The following ABCC4 variants were observed in gnomAD, a reference collection of about 807,000 sequenced individuals.
ABCC4 encodes the protein ATP-binding cassette sub-family C member 4.
In ABCC4, 102 loss-of-function variants were observed where a neutral mutation model predicts 168.5. That is an observed-to-expected ratio of 0.61 (90% CI 0.52 to 0.71). The LOEUF is 0.71. Ranked by LOEUF, ABCC4 falls within the 30% of genes least tolerant of loss-of-function variation. The probability of loss-of-function intolerance (pLI) is 0.00; values close to 1 mark genes in which losing one functional copy is unlikely to be tolerated. For missense variants in ABCC4, 1,402 were observed against 1,605.8 expected (o/e 0.87, Z 2.17); for synonymous variants, 617 against 590.7 (o/e 1.04, Z -0.65).
At chr13:95,205,723 A>C (rs931657652) in intron 8 of ABCC4, among the ~76,000 whole-genome samples, 1 of 152,166 alleles carries the variant, frequency 6.6e-6, no homozygotes, top group Non-Finnish European at 1.5e-5. Flanking sequence ...CAGTGTTAAG[A>C]GGTGGGGCCT....
intron 4 of ABCC4, among the ~76,000 whole-genome samples, chr13:95,220,024 T>C (rs1449543687): frequency 3.3e-5 from 1 of 30,190 alleles, no homozygotes; most frequent in Non-Finnish European, 8.9e-5. Flanking sequence ...CCTGGCTAAT[T>C]TTTTTTTTTT....
chr13:95,218,915 GAGAGAAAGAA>G lies in ABCC4; in HGVS notation c.532-8144_532-8135del, dbSNP rs1354172180. ...GATGAGAGAGAGAGAAAGAGAGAGA[GAGAGAAAGAA>G]AGAGAAAGAAAGAAAGAAAGAAAGA... On this transcript the variant is annotated intron_variant, in intron 4 of 30. Transcript: ENST00000645237. Among the ~76,000 whole-genome samples the G allele has an allele frequency of 5.4e-3, 208 of 38,516 alleles. 6 individuals carry two copies. Among genetic ancestry groups the G allele is most frequent in the Middle Eastern group, 0.02 (2 of 100 alleles). 25.3% of individuals were successfully genotyped at this position (38,516 alleles called of 152,430 possible). A position where few individuals can be genotyped will look rare whatever the true frequency, so the allele number is the denominator to read the frequency against.
intron 19 of ABCC4, among the ~76,000 whole-genome samples, chr13:95,144,565 A>C (rs1179193846): frequency 6.6e-6 from 1 of 152,182 alleles, no homozygotes; most frequent in Non-Finnish European, 1.5e-5. Flanking sequence ...GGGATACAAA[A>C]ATCAATGCAT....
intron 30 of ABCC4, 135 bp from the exon 31 acceptor site, chr13:95,021,817 G>C (rs1453973648): frequency 3.0e-6 from 2 of 658,444 alleles, no homozygotes; most frequent in Non-Finnish European, 5.2e-6. Context: ...TTTAAGAACA[G>C]GGATGAATCT....
At chr13:95,223,990 G>A (rs2039380847) in intron 4 of ABCC4, among the ~76,000 whole-genome samples, 1 of 151,742 alleles carries the variant, frequency 6.6e-6, no homozygotes, top group African/African-American at 2.4e-5. Context: ...TATGTAATAG[G>A]AGTCCAAGAA....
intron 13 of ABCC4, among the ~76,000 whole-genome samples, chr13:95,176,421 G>A (rs1412295287): frequency 6.6e-6 from 1 of 152,060 alleles, no homozygotes; most frequent in Non-Finnish European, 1.5e-5. Flanking sequence ...CTTGAACCCA[G>A]GAGGTCGAGG....
intron 19 of ABCC4, among the ~76,000 whole-genome samples, chr13:95,159,101 ATATATAT>A (rs2036989049): frequency 1.4e-5 from 1 of 72,984 alleles, no homozygotes; most frequent in East Asian, 3.5e-4. Context: ...TTTTATATAT[ATATATAT>A]ATATATATAT....
intron 4 of ABCC4, among the ~76,000 whole-genome samples, chr13:95,225,656 C>T (rs1488905387): frequency 1.3e-5 from 2 of 151,740 alleles, no homozygotes; most frequent in Admixed American, 6.6e-5. Context: ...GGCAACAGAG[C>T]GAGAGTCTGT....
intron 1 of ABCC4, among the ~76,000 whole-genome samples, chr13:95,253,036 C>T (rs1294715782): frequency 6.6e-6 from 1 of 152,164 alleles, no homozygotes; most frequent in Non-Finnish European, 1.5e-5. Flanking sequence ...AATCTGAATG[C>T]CTTTTATTCC....
chr13:95,299,429 C>T (rs1470878619), intron 1 of ABCC4, among the ~76,000 whole-genome samples: 2 of 152,120 alleles, frequency 1.3e-5, no homozygotes, highest in African/African-American at 4.8e-5. Context: ...GTTCCTACAC[C>T]CACTGAGTGT....
chr13:95,059,462 G>T (rs534133829), intron 26 of ABCC4, among the ~76,000 whole-genome samples: 7 of 152,334 alleles, frequency 4.6e-5, no homozygotes, highest in African/African-American at 1.7e-4. Flanking sequence ...CTCACGCAGG[G>T]CTGAGAACCA....
At position 95,053,703 on chromosome 13, in the gene ABCC4, G is replaced by A. The variant is rs550754698; in HGVS notation, c.3367-519C>T. On this transcript the variant is annotated intron_variant, in intron 26 of 30. Transcript: ENST00000645237. ...CAAGATTAAGAATCTCTCACCGGGC[G>A]CAGTGGCTCACGCATGTAATCTTAG... 269 of 162,982 alleles carry A rather than the reference G, an allele frequency of 1.7e-3. 3 individuals carry two copies. Among genetic ancestry groups the A allele is most frequent in the African/African-American group, 6.1e-3 (255 of 41,654 alleles). 10.1% of individuals were successfully genotyped at this position (162,982 alleles called of 1,614,324 possible).
chr13:95,054,771 G>C (rs2032992726), intron 26 of ABCC4, among the ~76,000 whole-genome samples: 1 of 152,136 alleles, frequency 6.6e-6, no homozygotes, highest in Non-Finnish European at 1.5e-5. Context: ...CTTTGGGGCA[G>C]GACTGTTCCT....
intron 25 of ABCC4, among the ~76,000 whole-genome samples, chr13:95,066,901 G>T (rs1170646213): frequency 6.6e-6 from 1 of 152,216 alleles, no homozygotes; most frequent in African/African-American, 2.4e-5. Context: ...TTTAATGCAT[G>T]CTGTGGACAT....
intron 30 of ABCC4, among the ~76,000 whole-genome samples, chr13:95,031,188 C>T (rs2031861042): frequency 6.6e-6 from 1 of 152,202 alleles, no homozygotes; most frequent in African/African-American, 2.4e-5. Flanking sequence ...CAAGTGTATG[C>T]AGAAATGTCA....
intron 3 of ABCC4, among the ~76,000 whole-genome samples, chr13:95,242,801 A>G (rs2039983474): frequency 6.6e-6 from 1 of 152,222 alleles, no homozygotes; most frequent in African/African-American, 2.4e-5. Flanking sequence ...AAAACAGCCA[A>G]GTGTCAATAG....
intron 25 of ABCC4, among the ~76,000 whole-genome samples, chr13:95,067,652 G>A (rs1032587977): frequency 1.3e-5 from 2 of 152,056 alleles, no homozygotes; most frequent in Non-Finnish European, 2.9e-5. Context: ...AAGCAGGCAG[G>A]GCAAGTGGGA....
intron 20 of ABCC4, among the ~76,000 whole-genome samples, chr13:95,115,406 G>A (rs957787443): frequency 6.6e-6 from 1 of 150,602 alleles, no homozygotes; most frequent in Non-Finnish European, 1.5e-5. Flanking sequence ...CTTTGTATCC[G>A]CAATAACTGC....
intron 20 of ABCC4, among the ~76,000 whole-genome samples, chr13:95,104,704 T>C (rs1336626732): frequency 6.6e-6 from 1 of 152,194 alleles, no homozygotes; most frequent in Non-Finnish European, 1.5e-5. Flanking sequence ...CAAGGATAAG[T>C]AGCATGAATA....
Sources: gnomAD v4.1 joint callset for allele counts (sites outside exome capture counted in the v4.1 genomes callset) on GRCh38, gnomAD v4.1.1 for gene constraint, MANE v1.5 for transcripts, NCBI Gene and HGNC (gene_info 2026-07-23, HGNC 2026-07-21) for gene names.